The following QTMAN variants were observed in gnomAD, a reference collection of about 807,000 sequenced individuals.
QTMAN encodes the protein queuosine-tRNA mannosyltransferase, also known as tRNA-queuosine alpha-mannosyltransferase.
the QTMAN span, among the ~76,000 whole-genome samples, chr2:144,084,417 C>T: frequency 6.6e-6 from 1 of 152,190 alleles, no homozygotes; most frequent in African/African-American, 2.4e-5. Flanking sequence ...TTTAATTCCT[C>T]ACAGTGGATC....
At chr2:144,067,370 A>G in the QTMAN span, among the ~76,000 whole-genome samples, 4 of 152,224 alleles carry the variant, frequency 2.6e-5, no homozygotes, top group African/African-American at 9.6e-5. Flanking sequence ...CTGATTTAGG[A>G]GAATCAAAAG....
chr2:144,182,801 TATATATAATATATATATTA>T, the QTMAN span, among the ~76,000 whole-genome samples: 1 of 13,420 alleles, frequency 7.5e-5, no homozygotes, highest in Non-Finnish European at 3.9e-4. Flanking sequence ...ATATATATTA[TATATATAATATATATATTA>T]TATATATAAT....
the QTMAN span, among the ~76,000 whole-genome samples, chr2:144,328,170 C>T: frequency 1.3e-5 from 2 of 152,058 alleles, no homozygotes; most frequent in South Asian, 2.1e-4. Flanking sequence ...ATGTTGGTCT[C>T]GAACTCCTTA....
At chr2:144,282,005 T>A in the QTMAN span, among the ~76,000 whole-genome samples, 1 of 152,198 alleles carries the variant, frequency 6.6e-6, no homozygotes, top group African/African-American at 2.4e-5. Context: ...GAAGGCTTGT[T>A]AAAACACAGA....
chr2:144,126,508 G>A, the QTMAN span, among the ~76,000 whole-genome samples: 1 of 151,982 alleles, frequency 6.6e-6, no homozygotes, highest in Non-Finnish European at 1.5e-5. Flanking sequence ...ACCAATCACA[G>A]TATGTATTTG....
chr2:144,119,972 C>T, the QTMAN span, among the ~76,000 whole-genome samples: 1 of 151,990 alleles, frequency 6.6e-6, no homozygotes, highest in Non-Finnish European at 1.5e-5. Context: ...GTTTTAAAGG[C>T]AGTAATGTGA....
chr2:144,173,543 G>A, the QTMAN span, among the ~76,000 whole-genome samples: 1 of 152,160 alleles, frequency 6.6e-6, no homozygotes, highest in Non-Finnish European at 1.5e-5. Context: ...ACAACCGTGT[G>A]AGCTTGACAG....
the QTMAN span, among the ~76,000 whole-genome samples, chr2:144,222,338 C>T: frequency 9.9e-5 from 15 of 151,222 alleles, no homozygotes; most frequent in African/African-American, 3.4e-4. Context: ...GGATTACAGG[C>T]ATGAGCCACC....
At chr2:144,225,520 C>T in the QTMAN span, among the ~76,000 whole-genome samples, 1 of 152,162 alleles carries the variant, frequency 6.6e-6, no homozygotes, top group Non-Finnish European at 1.5e-5. Flanking sequence ...CCATTCTAGC[C>T]TCAATTTCTG....
chr2:144,181,297 A>T, the QTMAN span, among the ~76,000 whole-genome samples: 2 of 152,356 alleles, frequency 1.3e-5, no homozygotes, highest in Middle Eastern at 3.4e-3. Context: ...ATTAAAGACA[A>T]CTAATGCAAA....
the QTMAN span, among the ~76,000 whole-genome samples, chr2:144,244,554 G>A: frequency 1.3e-5 from 2 of 152,154 alleles, no homozygotes; most frequent in African/African-American, 2.4e-5. Context: ...TAAAAAGTAA[G>A]TAACATAAAA....
the QTMAN span, among the ~76,000 whole-genome samples, chr2:144,289,109 C>T: frequency 2.3e-3 from 339 of 149,124 alleles, 5 homozygotes; most frequent in African/African-American, 8.1e-3. Context: ...TCTCCACTCA[C>T]TGCAAGCTCC....
chr2:143,943,873 T>TG, the QTMAN span: 2 of 152,224 alleles, frequency 1.3e-5, no homozygotes, highest in African/African-American at 2.4e-5. Context: ...AAGAACCAGG[T>TG]GCCCTGATAT....
At chr2:144,046,161 A>C in the QTMAN span, among the ~76,000 whole-genome samples, 10 of 152,208 alleles carry the variant, frequency 6.6e-5, no homozygotes, top group Non-Finnish European at 1.3e-4. Flanking sequence ...AACACTATCA[A>C]ATAACAACAT....
the QTMAN span, chr2:143,942,315 T>C: frequency 1.8e-5 from 3 of 166,972 alleles, no homozygotes; most frequent in African/African-American, 7.2e-5. Flanking sequence ...GCAGAGTGAG[T>C]GAGGATCCTG....
At chr2:144,304,195 A>G in the QTMAN span, among the ~76,000 whole-genome samples, 14 of 152,366 alleles carry the variant, frequency 9.2e-5, no homozygotes, top group African/African-American at 3.1e-4. Context: ...CACAGCATTC[A>G]GCAGAGGATA....
the QTMAN span, among the ~76,000 whole-genome samples, chr2:143,976,184 T>A: frequency 6.6e-6 from 1 of 151,360 alleles, no homozygotes; most frequent in Admixed American, 6.6e-5. Flanking sequence ...GTTTTTGACT[T>A]TTTTTTTTCC....
the QTMAN span, among the ~76,000 whole-genome samples, chr2:144,181,212 T>C: frequency 6.6e-6 from 1 of 152,212 alleles, no homozygotes; most frequent in Non-Finnish European, 1.5e-5. Flanking sequence ...CCAGCTTATG[T>C]TGTGAAGTCA....
At chr2:143,945,983 G>GTGTTTA in the QTMAN span, 1 of 152,204 alleles carries the variant, frequency 6.6e-6, no homozygotes, top group African/African-American at 2.4e-5. Context: ...ATAGGTAGAT[G>GTGTTTA]TATACATCTA....
Sources: gnomAD v4.1 joint callset for allele counts (sites outside exome capture counted in the v4.1 genomes callset) on GRCh38, gnomAD v4.1.1 for gene constraint, MANE v1.5 for transcripts, NCBI Gene and HGNC (gene_info 2026-07-23, HGNC 2026-07-21) for gene names.